The following MAP7 variants were observed in gnomAD, a reference collection of about 807,000 sequenced individuals.
MAP7 encodes microtubule associated protein 7, also known as ensconsin.
A neutral mutation model predicts 94.8 loss-of-function variants in MAP7; 52 were observed. The observed-to-expected ratio is 0.55, with a 90% CI of 0.44 to 0.69. The LOEUF (loss-of-function observed/expected upper bound fraction) is 0.69, where lower values mean the gene tolerates loss of function less well. Among genes scored for constraint, MAP7 ranks in the 30% least tolerant of loss-of-function variants. MAP7 has a pLI of 0.00. For missense variants in MAP7, 940 were observed against 964.6 expected (o/e 0.97, Z 0.34); for synonymous variants, 350 against 357.0 (o/e 0.98, Z 0.22).
chr6:136,377,057 C>A, intron 7 of MAP7, among the ~76,000 whole-genome samples: 1 of 147,984 alleles, frequency 6.8e-6, no homozygotes, highest in East Asian at 1.9e-4. Context: ...GTAGGCTTAC[C>A]GACTAGATGT....
At chr6:136,535,337 G>A (rs1021225882) in intron 1 of MAP7, among the ~76,000 whole-genome samples, 7 of 152,238 alleles carry the variant, frequency 4.6e-5, no homozygotes, top group South Asian at 2.1e-4. Flanking sequence ...AGCAGAAGCC[G>A]AGCAGATGTC....
chr6:136,511,721 G>C (rs909686731), intron 1 of MAP7, among the ~76,000 whole-genome samples: 2 of 152,144 alleles, frequency 1.3e-5, no homozygotes, highest in Non-Finnish European at 2.9e-5. Context: ...GAGCTCAGTG[G>C]GAGTTTAAAT....
chr6:136,407,304 C>A (rs1785918979), intron 3 of MAP7, among the ~76,000 whole-genome samples: 2 of 151,942 alleles, frequency 1.3e-5, no homozygotes, highest in Non-Finnish European at 2.9e-5. Flanking sequence ...GATAGAAAGT[C>A]TAAATAGATA....
At chr6:136,529,731 C>T (rs1583152412) in intron 1 of MAP7, among the ~76,000 whole-genome samples, 1 of 152,174 alleles carries the variant, frequency 6.6e-6, no homozygotes, top group African/African-American at 2.4e-5. Context: ...AATGTATTCA[C>T]ATTTATGGGT....
rs769951186 is a variant in MAP7, at chr6:136,480,641, C to CAAAAAAA, written c.68-58849_68-58843dup. ...TGGGTGACAGAGTGAGACTCTGCCT[C>CAAAAAAA]AAAAAAAAAAAAAAAAAAAAAAAAA... On this transcript the variant is annotated intron_variant, in intron 1 of 17. Coordinates refer to ENST00000354570, the MANE Select transcript of MAP7 (RefSeq NM_003980.6). Among the ~76,000 whole-genome samples, 60 of 20,116 alleles carry CAAAAAAA rather than the reference C, an allele frequency of 3.0e-3. 1 individual carries two copies. The highest frequency in any genetic ancestry group is 4.2e-3 in the East Asian group (4 of 948). 13.2% of individuals were successfully genotyped at this position (20,116 alleles called of 152,430 possible).
chr6:136,366,438 C>G lies in MAP7; in HGVS notation c.878G>C (p.Ser293Thr). Reference sequence around the variant, plus strand: ...TTCTCTCTCTCTTTCTTTTTTATAGCTCTAAGTTCAGAGAAACTCAATAGT... The same window carrying G: ...TTCTCTCTCTCTTTCTTTTTTATAGGTCTAAGTTCAGAGAAACTCAATAGT... ...SRRRIIHGTA[S>T]YKKERERENV... The change falls in exon 9 of 18, where the codon AGC (serine) becomes ACC (threonine). Residue 293 changes from serine (S) to threonine (T), a missense_variant and splice_region_variant. Ser to Thr is a moderately conservative substitution (Grantham distance 58, BLOSUM62 1). Coordinates refer to ENST00000354570, the MANE Select transcript of MAP7 (RefSeq NM_003980.6). 1 of 1,603,282 alleles carries G rather than the reference C, an allele frequency of 6.2e-7. No homozygotes were observed. Among genetic ancestry groups the G allele is most frequent in the Non-Finnish European group, 8.5e-7 (1 of 1,170,270 alleles).
At chr6:136,416,408 C>G (rs1024494490) in intron 2 of MAP7, among the ~76,000 whole-genome samples, 3 of 152,122 alleles carry the variant, frequency 2.0e-5, no homozygotes, top group Non-Finnish European at 4.4e-5. Context: ...TTAAATAATT[C>G]CAGTAAATAG....
chr6:136,400,646 G>GA (rs1783809645), intron 3 of MAP7, among the ~76,000 whole-genome samples: 1 of 152,104 alleles, frequency 6.6e-6, no homozygotes, highest in South Asian at 2.1e-4. Context: ...ATTGCTACCA[G>GA]AAAAAATAGA....
At chr6:136,421,623 A>G (rs1791382558) in intron 2 of MAP7, 78 bp downstream of exon 2, 2 of 1,345,308 alleles carry the variant, frequency 1.5e-6, no homozygotes, top group Admixed American at 3.9e-5. Flanking sequence ...AACAAATTAA[A>G]CCTTTATAAT....
intron 1 of MAP7, among the ~76,000 whole-genome samples, chr6:136,443,553 C>T (rs368024505): frequency 2.7e-5 from 4 of 150,062 alleles, no homozygotes; most frequent in South Asian, 4.2e-4. Flanking sequence ...CGGATTCAAG[C>T]GATTCTTCTG....
At chr6:136,450,918 G>A (rs1246132677) in intron 1 of MAP7, among the ~76,000 whole-genome samples, 1 of 152,206 alleles carries the variant, frequency 6.6e-6, no homozygotes, top group African/African-American at 2.4e-5. Context: ...ATGACTGTAG[G>A]AGACAAAAAT....
At chr6:136,410,285 G>C (rs558548619) in intron 3 of MAP7, among the ~76,000 whole-genome samples, 1 of 152,190 alleles carries the variant, frequency 6.6e-6, no homozygotes, top group Middle Eastern at 3.2e-3. Context: ...AAGGACATAC[G>C]CATGGACTTG....
At chr6:136,414,730 C>T (rs1788791260) in intron 2 of MAP7, among the ~76,000 whole-genome samples, 1 of 151,958 alleles carries the variant, frequency 6.6e-6, no homozygotes, top group Non-Finnish European at 1.5e-5. Context: ...CAGCCTCAAT[C>T]TCCCTGGCTC....
At chr6:136,463,141 A>C (rs944488486) in intron 1 of MAP7, among the ~76,000 whole-genome samples, 2 of 152,156 alleles carry the variant, frequency 1.3e-5, no homozygotes, top group African/African-American at 4.8e-5. Flanking sequence ...ATACATCTTA[A>C]GAGTTTGGCC....
intron 1 of MAP7, among the ~76,000 whole-genome samples, chr6:136,483,129 CAAAA>C (rs57320038): frequency 7.5e-4 from 62 of 83,154 alleles, no homozygotes; most frequent in African/African-American, 2.1e-3. Context: ...AAGTATCTTT[CAAAA>C]AAAAAAAAAA....
chr6:136,378,425 A>G (rs965707642), intron 6 of MAP7, among the ~76,000 whole-genome samples: 3 of 152,222 alleles, frequency 2.0e-5, no homozygotes, highest in African/African-American at 4.8e-5. Context: ...ATTAGATATA[A>G]TAAAATGAAA....
chr6:136,381,351 G>A (rs1777677793), intron 6 of MAP7, among the ~76,000 whole-genome samples: 1 of 151,758 alleles, frequency 6.6e-6, no homozygotes, highest in African/African-American at 2.4e-5. Context: ...GCTAATTTTT[G>A]TATTTTTAGT....
chr6:136,467,133 G>C (rs1431336263), intron 1 of MAP7, among the ~76,000 whole-genome samples: 1 of 152,178 alleles, frequency 6.6e-6, no homozygotes, highest in African/African-American at 2.4e-5. Flanking sequence ...CGGTCTCAGG[G>C]ATTCAAACTC....
chr6:136,361,702 T>A (rs1391853749), intron 11 of MAP7, among the ~76,000 whole-genome samples: 1 of 152,228 alleles, frequency 6.6e-6, no homozygotes, highest in Non-Finnish European at 1.5e-5. Flanking sequence ...ACAATTATAT[T>A]GACATTCGTC....
Sources: gnomAD v4.1 joint callset for allele counts (sites outside exome capture counted in the v4.1 genomes callset) on GRCh38, gnomAD v4.1.1 for gene constraint, MANE v1.5 for transcripts, NCBI Gene and HGNC (gene_info 2026-07-23, HGNC 2026-07-21) for gene names.